Variants in RBFOX1 observed in about 807,000 individuals in gnomAD.
RBFOX1 encodes RNA binding protein fox-1 homolog 1.
RBFOX1 carries 8 observed loss-of-function variants against 57.7 expected under a neutral mutation model. The ratio of observed to expected loss-of-function variants is 0.14; its 90% CI spans 0.08 to 0.25. RBFOX1 has a LOEUF of 0.25. Among genes scored for constraint, RBFOX1 ranks in the 10% least tolerant of loss-of-function variants. The pLI, the probability that RBFOX1 is intolerant of heterozygous loss-of-function variation, is 1.00. For missense variants in RBFOX1, 611 were observed against 548.5 expected, an observed-to-expected ratio of 1.11 and a Z score of -1.14; for synonymous variants, 326 against 222.4, an observed-to-expected ratio of 1.47 and a Z score of -4.15.
chr16:7,662,983 G>T (rs1023757388), intron 12 of RBFOX1, among the ~76,000 whole-genome samples: 2 of 152,134 alleles, frequency 1.3e-5, no homozygotes, highest in Admixed American at 6.5e-5. Flanking sequence ...TCATGTCACT[G>T]CTTTTGGATG....
intron 3 of RBFOX1, among the ~76,000 whole-genome samples, chr16:5,683,904 C>T (rs985273058): frequency 4.0e-5 from 6 of 151,578 alleles, no homozygotes; most frequent in South Asian, 4.2e-4. Flanking sequence ...CCCCTAAATC[C>T]GTCAGCCCAA....
intron 3 of RBFOX1, among the ~76,000 whole-genome samples, chr16:6,791,091 G>A (rs2082853242): frequency 6.6e-6 from 1 of 151,910 alleles, no homozygotes; most frequent in Non-Finnish European, 1.5e-5. Flanking sequence ...ATTTTTTGTA[G>A]GGATGGGGTT....
Position 6,780,186 on chromosome 16 carries a change from TATA to T in RBFOX1, c.-16+125537_-16+125539del, listed in dbSNP as rs1567213953. Among the ~76,000 whole-genome samples the T allele has an allele frequency of 5.7e-4, 23 of 40,140 alleles. 2 individuals carry two copies. Among genetic ancestry groups the T allele is most frequent in the African/African-American group, 1.5e-3 (7 of 4,670 alleles). The allele number at this position is 40,140 out of a possible 152,430, so 26.3% of individuals were successfully genotyped here. The stretch of plus-strand genomic sequence containing the variant: ...TTATATATTTTTATATATTTATATA[TATA>T]TTTATATATTTTTATATATTTATAT... On this transcript the variant is annotated intron_variant, in intron 3 of 15. Transcript: ENST00000550418.
chr16:7,031,833 G>T (rs1568452570), intron 3 of RBFOX1, among the ~76,000 whole-genome samples: 1 of 152,114 alleles, frequency 6.6e-6, no homozygotes, highest in Non-Finnish European at 1.5e-5. Flanking sequence ...AGCCAACGTG[G>T]TCCTTGCTGG....
intron 1 of RBFOX1, among the ~76,000 whole-genome samples, chr16:6,130,623 C>G (rs908382048): frequency 2.0e-4 from 30 of 152,140 alleles, no homozygotes; most frequent in African/African-American, 7.2e-4. Flanking sequence ...TATTTGCTGA[C>G]TACAAGAGAC....
chr16:6,539,818 CA>C (rs2096787628), intron 2 of RBFOX1, among the ~76,000 whole-genome samples: 1 of 151,610 alleles, frequency 6.6e-6, no homozygotes, highest in African/African-American at 2.4e-5. Flanking sequence ...CACACACACA[CA>C]CACACACACA....
At chr16:5,640,692 G>C (rs1044580795) in intron 3 of RBFOX1, among the ~76,000 whole-genome samples, 4 of 145,860 alleles carry the variant, frequency 2.7e-5, no homozygotes, top group African/African-American at 1.0e-4. Context: ...GCACACCATG[G>C]ATACACACCT....
At chr16:6,669,524 A>G (rs1366584196) in intron 3 of RBFOX1, among the ~76,000 whole-genome samples, 2 of 152,312 alleles carry the variant, frequency 1.3e-5, no homozygotes, top group South Asian at 2.1e-4. Flanking sequence ...TAAAAATTAT[A>G]TGTTTAAGAT....
chr16:5,454,783 TTCTTTC>T (rs2068534503), intron 1 of RBFOX1, among the ~76,000 whole-genome samples: 2 of 151,368 alleles, frequency 1.3e-5, no homozygotes, highest in African/African-American at 2.4e-5. Context: ...CTTTCTTTCT[TTCTTTC>T]TCTTTCTTTC....
intron 14 of RBFOX1, among the ~76,000 whole-genome samples, chr16:7,698,332 C>A (rs78922236): frequency 0.034 from 5,140 of 151,964 alleles, 110 homozygotes; most frequent in Non-Finnish European, 0.053. Flanking sequence ...CATCTCAGTT[C>A]CTGATGAGTA....
intron 12 of RBFOX1, among the ~76,000 whole-genome samples, chr16:7,662,740 G>C (rs998344800): frequency 6.6e-6 from 1 of 152,226 alleles, no homozygotes; most frequent in East Asian, 1.9e-4. Flanking sequence ...CAAACATGGT[G>C]ACCTCGTTAG....
In RBFOX1 at chr16:6,810,059, A is replaced by G. The variant is rs561064790; in HGVS notation, c.-16+155409A>G. Reference sequence around the variant, plus strand: ...TTTTTTTTCTGTTAATAAGTAGACAATGCTCTGGTCTGATGGGGTCTCAGG... The same window carrying G: ...TTTTTTTTCTGTTAATAAGTAGACAGTGCTCTGGTCTGATGGGGTCTCAGG... On this transcript the variant is annotated intron_variant, in intron 3 of 15. Transcript: ENST00000550418. 8.2e-4 allele frequency among the ~76,000 whole-genome samples: 124 copies of G among 150,798 alleles called. 1 individual carries two copies. The highest frequency in any genetic ancestry group is 7.6e-3 in the Admixed American group (115 of 15,130).
intron 2 of RBFOX1, among the ~76,000 whole-genome samples, chr16:6,631,399 A>G (rs780046349): frequency 5.3e-5 from 8 of 151,556 alleles, no homozygotes; most frequent in Non-Finnish European, 1.0e-4. Context: ...ACTTTTTATT[A>G]TGAAACATAT....
At chr16:6,610,758 A>C (rs1238588224) in intron 2 of RBFOX1, among the ~76,000 whole-genome samples, 1 of 152,228 alleles carries the variant, frequency 6.6e-6, no homozygotes, top group Non-Finnish European at 1.5e-5. Context: ...TACCATGATA[A>C]CATCACCAAC....
chr16:7,415,696 C>G (rs2098471323), intron 4 of RBFOX1, among the ~76,000 whole-genome samples: 1 of 152,166 alleles, frequency 6.6e-6, no homozygotes, highest in Non-Finnish European at 1.5e-5. Flanking sequence ...TAGTTGAATT[C>G]CAAGAAGGCA....
chr16:5,548,760 A>G (rs1445530586), intron 2 of RBFOX1, among the ~76,000 whole-genome samples: 1 of 152,182 alleles, frequency 6.6e-6, no homozygotes, highest in Non-Finnish European at 1.5e-5. Flanking sequence ...GGATGTATGT[A>G]TATGTCAAAA....
chr16:7,524,804 G>T (rs1417769619), intron 5 of RBFOX1, among the ~76,000 whole-genome samples: 1 of 152,208 alleles, frequency 6.6e-6, no homozygotes, highest in African/African-American at 2.4e-5. Context: ...GTTGGTGATG[G>T]TGTCCTGTTC....
chr16:5,246,428 C>T (rs1195063354), intron 1 of RBFOX1, among the ~76,000 whole-genome samples: 2 of 152,056 alleles, frequency 1.3e-5, no homozygotes. Context: ...AGCTAAATAA[C>T]ATATCACCTC....
intron 4 of RBFOX1, among the ~76,000 whole-genome samples, chr16:7,076,331 C>T (rs1038187887): frequency 1.3e-5 from 2 of 152,016 alleles, no homozygotes; most frequent in African/African-American, 4.8e-5. Flanking sequence ...CACTCCCGGC[C>T]ATTTTTTTCT....
Sources: allele counts gnomAD v4.1 joint callset (sites outside exome capture counted in the v4.1 genomes callset), GRCh38; gene constraint gnomAD v4.1.1; transcripts MANE v1.5; gene names NCBI Gene and HGNC (gene_info 2026-07-23, HGNC 2026-07-21).